Variants in TNR observed in about 807,000 individuals in gnomAD.
TNR encodes tenascin R.
A neutral mutation model predicts 150.4 loss-of-function variants in TNR; 45 were observed. The ratio of observed to expected loss-of-function variants is 0.30; its 90% CI spans 0.24 to 0.38. TNR has a LOEUF of 0.38. TNR is among the 10% of genes least tolerant of loss of function. The pLI, the probability that TNR is intolerant of heterozygous loss-of-function variation, is 1.00. For missense variants in TNR, 1,544 were observed against 1,759.1 expected (o/e 0.88, Z 2.19); for synonymous variants, 687 against 678.4 (o/e 1.01, Z -0.20).
intron 2 of TNR, among the ~76,000 whole-genome samples, chr1:175,509,124 T>TA: frequency 1.3e-5 from 2 of 152,352 alleles, no homozygotes; most frequent in Middle Eastern, 6.8e-3. Flanking sequence ...AGGAAACCAG[T>TA]ATGAGCCATT....
intron 2 of TNR, among the ~76,000 whole-genome samples, chr1:175,461,394 A>C (rs764993273): frequency 6.6e-6 from 1 of 152,178 alleles, no homozygotes; most frequent in Non-Finnish European, 1.5e-5. Context: ...GATTTAAGAA[A>C]TCACTCCAAG....
chr1:175,565,485 T>G (rs1267739080), intron 1 of TNR, among the ~76,000 whole-genome samples: 3 of 152,190 alleles, frequency 2.0e-5, no homozygotes, highest in Admixed American at 1.3e-4. Context: ...TGGGAGCAAT[T>G]CCACGTAAGG....
At chr1:175,704,412 G>C (rs1184543140) in intron 1 of TNR, among the ~76,000 whole-genome samples, 1 of 152,214 alleles carries the variant, frequency 6.6e-6, no homozygotes, top group East Asian at 1.9e-4. Flanking sequence ...CTTGGAGAAA[G>C]AGGCATTGGG....
At chr1:175,340,307 A>G (rs9286908) in intron 18 of TNR, among the ~76,000 whole-genome samples, 28,037 of 152,056 alleles carry the variant, frequency 0.18, 3,015 homozygotes, top group African/African-American at 0.29. Context: ...ACAAATTGCA[A>G]GGCCATTTGG....
At chr1:175,494,907 A>G (rs977688094) in intron 2 of TNR, among the ~76,000 whole-genome samples, 10 of 152,244 alleles carry the variant, frequency 6.6e-5, no homozygotes, top group African/African-American at 2.2e-4. Flanking sequence ...CTTCTTTCCT[A>G]TAATGAATCT....
intron 1 of TNR, among the ~76,000 whole-genome samples, chr1:175,742,099 G>T (rs1019150986): frequency 1.3e-5 from 2 of 152,298 alleles, no homozygotes; most frequent in South Asian, 2.1e-4. Flanking sequence ...ACTGAATGGG[G>T]CAGGGGCAGG....
intron 18 of TNR, among the ~76,000 whole-genome samples, chr1:175,350,407 C>T (rs1651000052): frequency 6.6e-6 from 1 of 152,230 alleles, no homozygotes; most frequent in Admixed American, 6.5e-5. Context: ...GCCTCTCAGA[C>T]AATCATTTCA....
chr1:175,670,514 C>A (rs1665666472), intron 1 of TNR, among the ~76,000 whole-genome samples: 1 of 152,208 alleles, frequency 6.6e-6, no homozygotes, highest in Non-Finnish European at 1.5e-5. Context: ...TGTACATTTA[C>A]TTATTCAGCT....
At chr1:175,346,505 GA>G (rs1650791462) in intron 18 of TNR, among the ~76,000 whole-genome samples, 1 of 151,622 alleles carries the variant, frequency 6.6e-6, no homozygotes, top group Admixed American at 6.6e-5. Flanking sequence ...CTGGTTCTTT[GA>G]AAATATTAAT....
At chr1:175,419,445 G>A (rs141886181) in intron 2 of TNR, among the ~76,000 whole-genome samples, 11 of 152,080 alleles carry the variant, frequency 7.2e-5, no homozygotes, top group Non-Finnish European at 1.6e-4. Flanking sequence ...ATCCATATAG[G>A]TTATTAAAAA....
At chr1:175,500,811 C>A (rs925383003) in intron 2 of TNR, among the ~76,000 whole-genome samples, 2 of 152,212 alleles carry the variant, frequency 1.3e-5, no homozygotes, top group African/African-American at 4.8e-5. Flanking sequence ...GACGCTTAGA[C>A]CTTTGGCTGG....
intron 9 of TNR, among the ~76,000 whole-genome samples, chr1:175,375,052 G>T (rs962253514): frequency 6.6e-6 from 1 of 152,144 alleles, no homozygotes; most frequent in South Asian, 2.1e-4. Flanking sequence ...TATAATTTGC[G>T]TTAGTCCCAG....
chr1:175,378,430 T>G (rs1398610781), intron 9 of TNR, among the ~76,000 whole-genome samples: 1 of 152,168 alleles, frequency 6.6e-6, no homozygotes. Flanking sequence ...GACAGTCAAA[T>G]AGTCATGCCA....
intron 1 of TNR, among the ~76,000 whole-genome samples, chr1:175,583,969 C>G (rs1378884772): frequency 6.6e-6 from 1 of 152,198 alleles, no homozygotes; most frequent in Non-Finnish European, 1.5e-5. Flanking sequence ...GTGTGGGGAT[C>G]TAGTCCAGAA....
chr1:175,373,512 T>C (rs1295174739), intron 9 of TNR, among the ~76,000 whole-genome samples: 1 of 152,210 alleles, frequency 6.6e-6, no homozygotes, highest in Non-Finnish European at 1.5e-5. Flanking sequence ...CCCTGCTTTT[T>C]TGGGTGTGCA....
chr1:175,516,010 G>C (rs1295613835), intron 2 of TNR, among the ~76,000 whole-genome samples: 1 of 152,216 alleles, frequency 6.6e-6, no homozygotes, highest in African/African-American at 2.4e-5. Flanking sequence ...ACTAAGAATG[G>C]ATGGATGTGA....
chr1:175,574,638 G>A (rs1483323046), intron 1 of TNR, among the ~76,000 whole-genome samples: 3 of 152,118 alleles, frequency 2.0e-5, no homozygotes, highest in Non-Finnish European at 4.4e-5. Context: ...AAAAGTGTCT[G>A]CTTACCAAAT....
At chr1:175,633,832 T>C (rs896374395) in intron 1 of TNR, among the ~76,000 whole-genome samples, 7 of 152,156 alleles carry the variant, frequency 4.6e-5, no homozygotes, top group African/African-American at 1.7e-4. Context: ...ATTAGGGAAT[T>C]GTGTTCACAT....
At position 175,723,234 on chromosome 1, in the gene TNR, T is replaced by C. The variant is rs191849927; in HGVS notation, c.-165+19992A>G. ...TCATCACCTTTCTTATTTAAGGTTT[T>C]TGGGAGGAACATGACAGAGGCATCT... On this transcript the variant is annotated intron_variant, in intron 1 of 22. Coordinates refer to ENST00000367674, the MANE Select transcript of TNR (RefSeq NM_003285.3). Among the ~76,000 whole-genome samples the C allele has an allele frequency of 4.1e-3, 624 of 152,362 alleles. 3 individuals are homozygous for C. Among genetic ancestry groups the C allele is most frequent in the African/African-American group, 0.014 (592 of 41,574 alleles).
Sources: gnomAD v4.1 joint callset for allele counts (sites outside exome capture counted in the v4.1 genomes callset) on GRCh38, gnomAD v4.1.1 for gene constraint, MANE v1.5 for transcripts, NCBI Gene and HGNC (gene_info 2026-07-23, HGNC 2026-07-21) for gene names.